VWA8: variants seen among roughly 807,000 people sequenced by gnomAD.
VWA8 encodes von Willebrand factor A domain-containing protein 8.
A neutral mutation model predicts 241.5 loss-of-function variants in VWA8; 221 were observed. The observed-to-expected ratio is 0.91, with a 90% CI of 0.82 to 1.02. VWA8 has a LOEUF of 1.02. Among genes scored for constraint, VWA8 ranks in the 50% least tolerant of loss-of-function variants. The probability of loss-of-function intolerance (pLI) is 0.00; values close to 1 mark genes in which losing one functional copy is unlikely to be tolerated. For missense variants in VWA8, 2,322 were observed against 2,328.7 expected, an observed-to-expected ratio of 1.00 and a Z score of 0.06; for synonymous variants, 852 against 827.1, an observed-to-expected ratio of 1.03 and a Z score of -0.52.
chr13:41,638,012 A>G (rs549851251), intron 37 of VWA8, among the ~76,000 whole-genome samples: 1 of 152,282 alleles, frequency 6.6e-6, no homozygotes, highest in Admixed American at 6.5e-5. Flanking sequence ...TTGGTGTTCT[A>G]TTCTCTTAAA....
intron 37 of VWA8, among the ~76,000 whole-genome samples, chr13:41,636,318 A>G (rs1015002791): frequency 6.6e-6 from 1 of 152,170 alleles, no homozygotes. Context: ...CAAAAACAAG[A>G]AATGGGGAAA....
intron 26 of VWA8, among the ~76,000 whole-genome samples, chr13:41,713,621 C>T (rs2045331725): frequency 1.3e-5 from 2 of 152,258 alleles, no homozygotes; most frequent in Middle Eastern, 6.8e-3. Flanking sequence ...AGTCTCATAT[C>T]ACAGTTATTT....
At chr13:41,711,710 T>TA (rs1443844423) in intron 26 of VWA8, among the ~76,000 whole-genome samples, 2 of 151,904 alleles carry the variant, frequency 1.3e-5, no homozygotes, top group African/African-American at 4.8e-5. Context: ...CCGTCTCTAC[T>TA]AAAAATACAA....
chr13:41,576,899 C>T (rs1430761172), intron 42 of VWA8, among the ~76,000 whole-genome samples: 1 of 152,226 alleles, frequency 6.6e-6, no homozygotes, highest in Admixed American at 6.5e-5. Context: ...GGCTCTGGCC[C>T]ACCCCATGAG....
At chr13:41,650,444 G>T (rs2044861857) in intron 37 of VWA8, among the ~76,000 whole-genome samples, 1 of 152,198 alleles carries the variant, frequency 6.6e-6, no homozygotes, top group Non-Finnish European at 1.5e-5. Context: ...GGGTGGGATT[G>T]ATCCCTATTT....
At position 41,833,533 on chromosome 13, in the gene VWA8, T is replaced by C; in HGVS notation, c.1426-2A>G. The C allele has an allele frequency of 6.3e-7, 1 of 1,596,850 alleles. No homozygotes were observed. Among genetic ancestry groups the C allele is most frequent in the Non-Finnish European group, 8.5e-7 (1 of 1,172,974 alleles). ...TAGCAGATCACGCGCTGTCATATCC[T>C]AAAACAAATCCCCACCACCCAACAA... On this transcript the variant is annotated splice_acceptor_variant, in intron 12 of 44. Transcript: ENST00000379310. LOFTEE classifies it high-confidence loss of function.
chr13:41,939,568 C>G (rs1877505632), intron 2 of VWA8, among the ~76,000 whole-genome samples: 1 of 151,906 alleles, frequency 6.6e-6, no homozygotes, highest in Non-Finnish European at 1.5e-5. Context: ...TCCTGCTGTG[C>G]CCAATGCTGT....
Position 41,961,046 on chromosome 13 carries a change from G to A in VWA8, c.-31C>T, listed in dbSNP as rs1878596820. The A allele has an allele frequency of 1.5e-6, 2 of 1,355,730 alleles. No homozygotes were observed. The highest frequency in any genetic ancestry group is 1.9e-6 in the Non-Finnish European group (2 of 1,060,546). The allele number at this position is 1,355,730 out of a possible 1,614,324, so 84.0% of individuals were successfully genotyped here. On this transcript the variant is annotated 5_prime_UTR_variant, in exon 1 of 45. Coordinates refer to ENST00000379310, the MANE Select transcript of VWA8 (RefSeq NM_015058.2). The stretch of plus-strand genomic sequence containing the variant: ...CGGGGGGGCTGTCGGGGACGGCGAG[G>A]GGGCTCGGGGATCGAGCGGCGTCCC...
At chr13:41,694,661 A>G (rs1566418107) in intron 29 of VWA8, among the ~76,000 whole-genome samples, 1 of 152,106 alleles carries the variant, frequency 6.6e-6, no homozygotes, top group South Asian at 2.1e-4. Flanking sequence ...AATATGTACA[A>G]CGTTAAAATG....
intron 42 of VWA8, among the ~76,000 whole-genome samples, chr13:41,583,460 G>A (rs2044396638): frequency 1.3e-5 from 2 of 152,036 alleles, no homozygotes; most frequent in South Asian, 4.2e-4. Context: ...TGGCCAATAT[G>A]GTGAAACCAC....
chr13:41,730,442 G>A (rs2026892), intron 22 of VWA8, among the ~76,000 whole-genome samples: 41,557 of 150,372 alleles, frequency 0.28, 6,235 homozygotes, highest in Non-Finnish European at 0.33. Flanking sequence ...GACAATATGC[G>A]GAATAGTTTG....
intron 2 of VWA8, among the ~76,000 whole-genome samples, chr13:41,924,473 AAAAG>A (rs1456409535): frequency 2.6e-5 from 4 of 152,040 alleles, no homozygotes; most frequent in African/African-American, 9.6e-5. Flanking sequence ...AGGAAAAGAA[AAAAG>A]AAAGAAAAAG....
chr13:41,778,832 C>CTT (rs71096543), intron 19 of VWA8, among the ~76,000 whole-genome samples: 1,079 of 82,658 alleles, frequency 0.013, 167 homozygotes, highest in Non-Finnish European at 0.019. Context: ...CAGTACGTCA[C>CTT]TTTTTTTTTT....
chr13:41,946,135 A>C (rs964996364), intron 2 of VWA8, among the ~76,000 whole-genome samples: 6 of 152,032 alleles, frequency 3.9e-5, no homozygotes, highest in Non-Finnish European at 8.8e-5. Flanking sequence ...GAAAAAAAAA[A>C]ACCTGTCAAC....
chr13:41,866,365 A>G (rs1289734704), intron 10 of VWA8, among the ~76,000 whole-genome samples: 2 of 149,952 alleles, frequency 1.3e-5, no homozygotes, highest in African/African-American at 2.5e-5. Context: ...AAAAATATAT[A>G]TATATATATA....
chr13:41,667,338 T>A (rs1437371974), intron 37 of VWA8, among the ~76,000 whole-genome samples: 1 of 152,214 alleles, frequency 6.6e-6, no homozygotes, highest in Non-Finnish European at 1.5e-5. Flanking sequence ...ATAAATTAGT[T>A]ATCTTTTCCA....
chr13:41,647,370 C>T (rs927458856), intron 37 of VWA8, among the ~76,000 whole-genome samples: 1 of 152,056 alleles, frequency 6.6e-6, no homozygotes. Flanking sequence ...GATAAATGAA[C>T]AGTTACATTA....
intron 38 of VWA8, among the ~76,000 whole-genome samples, chr13:41,612,063 G>C (rs1239792401): frequency 6.6e-6 from 1 of 151,754 alleles, no homozygotes; most frequent in African/African-American, 2.4e-5. Context: ...TGATGGATGA[G>C]ATATTTTATT....
chr13:41,887,142 C>A, intron 6 of VWA8, 55 bp downstream of exon 6: 1 of 1,563,754 alleles, frequency 6.4e-7, no homozygotes, highest in Non-Finnish European at 8.6e-7. Flanking sequence ...CATTGAAGTT[C>A]TTGTTATAAA....
Sources: gnomAD v4.1 joint callset for allele counts (sites outside exome capture counted in the v4.1 genomes callset) on GRCh38, gnomAD v4.1.1 for gene constraint, MANE v1.5 for transcripts, NCBI Gene and HGNC (gene_info 2026-07-23, HGNC 2026-07-21) for gene names.